STPG4: variants seen among roughly 807,000 people sequenced by gnomAD.
STPG4 encodes sperm-tail PG-rich repeat containing 4, also known as protein STPG4.
Under a neutral mutation model 31.5 loss-of-function variants are expected in STPG4, and 41 were observed. That is an observed-to-expected ratio of 1.30 (90% CI 1.01 to 1.69). The LOEUF (loss-of-function observed/expected upper bound fraction) is 1.69, where lower values mean the gene tolerates loss of function less well. Among genes scored for constraint, STPG4 ranks in the 40% most tolerant of loss-of-function variants. STPG4 has a pLI of 0.00. For synonymous variants in STPG4, 141 were observed against 103.0 expected (o/e 1.37, Z -2.24); for missense variants, 375 against 293.4 (o/e 1.28, Z -2.03).
At chr2:47,129,740 A>G in intron 5 of STPG4, 1 of 579,188 alleles carries the variant, frequency 1.7e-6, no homozygotes. Context: ...CAATGTTAAA[A>G]CCTGGTATTG....
At chr2:47,103,147 G>C (rs559114418) in intron 5 of STPG4, among the ~76,000 whole-genome samples, 57 of 151,890 alleles carry the variant, frequency 3.8e-4, no homozygotes, top group Non-Finnish European at 7.1e-4. Flanking sequence ...ATGGGGACTG[G>C]AGTCGTAAAC....
chr2:47,097,192 T>C (rs1324380690), intron 5 of STPG4, among the ~76,000 whole-genome samples: 1 of 152,106 alleles, frequency 6.6e-6, no homozygotes, highest in Admixed American at 6.5e-5. Context: ...ACAAATGAGA[T>C]CATGTAAACT....
At chr2:47,146,789 G>T (rs1686829842) in intron 3 of STPG4, among the ~76,000 whole-genome samples, 1 of 151,958 alleles carries the variant, frequency 6.6e-6, no homozygotes, top group Non-Finnish European at 1.5e-5. Context: ...GCAAAAAATG[G>T]CTGAGAAGAA....
At chr2:47,117,457 C>T (rs974228105) in intron 5 of STPG4, among the ~76,000 whole-genome samples, 1 of 152,154 alleles carries the variant, frequency 6.6e-6, no homozygotes, top group Non-Finnish European at 1.5e-5. Flanking sequence ...GATCTGCCTG[C>T]CTCGGCCTCC....
At chr2:47,087,159 A>G (rs895709585) in intron 6 of STPG4, 29 bp from the exon 7 acceptor site, 1 of 1,549,728 alleles carries the variant, frequency 6.5e-7, no homozygotes, top group African/African-American at 1.4e-5. Context: ...ACAGGGACTG[A>G]TGAGACAGTG....
chr2:47,098,003 C>G (rs1184362749), intron 5 of STPG4, among the ~76,000 whole-genome samples: 2 of 151,276 alleles, frequency 1.3e-5, no homozygotes, highest in Non-Finnish European at 2.9e-5. Context: ...TCAACTTTCT[C>G]AGGTTAACAC....
intron 2 of STPG4, among the ~76,000 whole-genome samples, chr2:47,151,786 G>C (rs1469223212): frequency 2.6e-5 from 4 of 151,678 alleles, no homozygotes; most frequent in Non-Finnish European, 5.9e-5. Flanking sequence ...TGTCACCCAG[G>C]CTGGAGTGCA....
intron 5 of STPG4, among the ~76,000 whole-genome samples, chr2:47,127,046 C>T (rs1029801600): frequency 4.0e-5 from 6 of 151,824 alleles, no homozygotes; most frequent in Admixed American, 2.0e-4. Flanking sequence ...TTCAATATTT[C>T]TATTTTTCTC....
chr2:47,115,542 A>G (rs760106748), intron 5 of STPG4, among the ~76,000 whole-genome samples: 1 of 151,734 alleles, frequency 6.6e-6, no homozygotes, highest in Non-Finnish European at 1.5e-5. Flanking sequence ...CTTTCTGAGG[A>G]TGCTAATTGT....
intron 5 of STPG4, among the ~76,000 whole-genome samples, chr2:47,101,124 A>G (rs112752175): frequency 6.6e-6 from 1 of 151,642 alleles, no homozygotes; most frequent in African/African-American, 2.4e-5. Context: ...ATTCTGTCCT[A>G]TTTTTCCTTA....
At chr2:47,108,039 C>T (rs939385564) in intron 5 of STPG4, among the ~76,000 whole-genome samples, 19 of 149,080 alleles carry the variant, frequency 1.3e-4, no homozygotes, top group African/African-American at 4.0e-4. Flanking sequence ...TGTGAATGCA[C>T]CAATCCACAC....
intron 3 of STPG4, among the ~76,000 whole-genome samples, chr2:47,133,570 CTTTTTTTTTTTTT>C (rs10682288): frequency 6.0e-5 from 4 of 67,154 alleles, no homozygotes; most frequent in Non-Finnish European, 1.0e-4. Context: ...GCACTCAAAT[CTTTTTTTTTTTTT>C]TTTTTTTTTT....
intron 3 of STPG4, among the ~76,000 whole-genome samples, chr2:47,138,967 G>A (rs35078542): frequency 0.016 from 2,503 of 152,310 alleles, 20 homozygotes; most frequent in Non-Finnish European, 0.019. Flanking sequence ...TTACAGGTGT[G>A]AGCCACCGCT....
chr2:47,123,164 ATTAT>A (rs1205738599), intron 5 of STPG4, among the ~76,000 whole-genome samples: 3 of 152,170 alleles, frequency 2.0e-5, no homozygotes, highest in South Asian at 2.1e-4. Flanking sequence ...GATTTATATA[ATTAT>A]TTATTTTTTT....
chr2:47,139,611 A>C (rs1293684049), intron 3 of STPG4, among the ~76,000 whole-genome samples: 2 of 152,002 alleles, frequency 1.3e-5, no homozygotes, highest in African/African-American at 4.8e-5. Flanking sequence ...GGTCACAGGA[A>C]GTTATTTGCT....
At chr2:47,090,241 G>A (rs775464907) in intron 6 of STPG4, 29 bp downstream of exon 6, 34 of 1,469,060 alleles carry the variant, frequency 2.3e-5, no homozygotes, top group Non-Finnish European at 3.0e-5. Context: ...CCTAGGGGTG[G>A]GGGGCGATCT....
chr2:47,107,494 A>G (rs1207341994), intron 5 of STPG4, among the ~76,000 whole-genome samples: 1 of 152,086 alleles, frequency 6.6e-6, no homozygotes, highest in African/African-American at 2.4e-5. Context: ...TCGGTTTCTC[A>G]CCGGGTCTTA....
At chr2:47,149,193 G>T (rs371478536) in intron 3 of STPG4, among the ~76,000 whole-genome samples, 2 of 152,178 alleles carry the variant, frequency 1.3e-5, no homozygotes, top group East Asian at 3.8e-4. Context: ...GGAGAGGAAA[G>T]AAGAAAGAAA....
chr2:47,149,242 C>A (rs1194284734), intron 3 of STPG4, among the ~76,000 whole-genome samples: 1 of 152,180 alleles, frequency 6.6e-6, no homozygotes, highest in Non-Finnish European at 1.5e-5. Context: ...ATCCATCCTT[C>A]CGAGTAAGCC....
Sources: allele counts gnomAD v4.1 joint callset (sites outside exome capture counted in the v4.1 genomes callset), GRCh38; gene constraint gnomAD v4.1.1; transcripts MANE v1.5; gene names NCBI Gene and HGNC (gene_info 2026-07-23, HGNC 2026-07-21).